The following HIPK3 variants were observed in gnomAD, a reference collection of about 807,000 sequenced individuals.
HIPK3 encodes homeodomain interacting protein kinase 3, also known as homeodomain-interacting protein kinase 3.
A neutral mutation model predicts 124.2 loss-of-function variants in HIPK3; 47 were observed. The observed-to-expected ratio is 0.38, with a 90% CI of 0.30 to 0.48. The LOEUF (loss-of-function observed/expected upper bound fraction) is 0.48. HIPK3 is among the 20% of genes least tolerant of loss of function. The pLI is 0.98. For missense variants in HIPK3, 1,286 were observed against 1,454.3 expected (o/e 0.88, Z 1.88); for synonymous variants, 482 against 515.2 (o/e 0.94, Z 0.87).
At chr11:33,337,761 C>T (rs945947290) in intron 4 of HIPK3, among the ~76,000 whole-genome samples, 1 of 152,036 alleles carries the variant, frequency 6.6e-6, no homozygotes, top group African/African-American at 2.4e-5. Flanking sequence ...GCAACCTCCA[C>T]CTCCCAGGTT....
rs113212349 is a variant in HIPK3 at position 33,263,165 on chromosome 11, C to T, written c.-3+5276C>T. Among the ~76,000 whole-genome samples the T allele has an allele frequency of 4.6e-5, 7 of 152,100 alleles. No homozygotes were observed. In the East Asian group the frequency reaches 7.7e-4, roughly 17 times the overall value. On this transcript the variant is annotated intron_variant, in intron 1 of 16. Coordinates refer to ENST00000303296, the MANE Select transcript of HIPK3 (RefSeq NM_005734.5). ...GATCACAGGCATGAGCCACTGTGCCCGGCCCAATTTCTCTAATTTTCTAAA... is the reference window on the plus strand; with the variant it reads ...GATCACAGGCATGAGCCACTGTGCCTGGCCCAATTTCTCTAATTTTCTAAA...
intron 10 of HIPK3, 29 bp from the exon 11 acceptor site, chr11:33,347,823 T>TA (rs956258794): frequency 1.9e-6 from 3 of 1,613,524 alleles, no homozygotes; most frequent in Non-Finnish European, 2.5e-6. Context: ...AGATCTTGAT[T>TA]AAAAACATTG....
intron 3 of HIPK3, among the ~76,000 whole-genome samples, chr11:33,333,600 A>G (rs753209765): frequency 4.6e-5 from 7 of 152,200 alleles, no homozygotes; most frequent in Non-Finnish European, 7.3e-5. Flanking sequence ...GGGGTTCTAG[A>G]TGGAACATTT....
intron 2 of HIPK3, among the ~76,000 whole-genome samples, chr11:33,294,042 G>A (rs939712441): frequency 1.3e-5 from 2 of 151,574 alleles, no homozygotes; most frequent in Non-Finnish European, 2.9e-5. Context: ...TGGCAGGCAC[G>A]TGTCAGGAAG....
At chr11:33,272,982 G>T (rs1431525152) in intron 1 of HIPK3, among the ~76,000 whole-genome samples, 3 of 151,290 alleles carry the variant, frequency 2.0e-5, no homozygotes, top group Non-Finnish European at 4.4e-5. Context: ...CTATAGGTGT[G>T]TGTCACCGTG....
At chr11:33,291,993 C>G (rs1851710800) in intron 2 of HIPK3, among the ~76,000 whole-genome samples, 1 of 152,142 alleles carries the variant, frequency 6.6e-6, no homozygotes, top group South Asian at 2.1e-4. Flanking sequence ...CTCATGCCTT[C>G]TTAGATCCAG....
intron 1 of HIPK3, among the ~76,000 whole-genome samples, chr11:33,266,866 T>C (rs1850979209): frequency 6.6e-6 from 1 of 152,210 alleles, no homozygotes; most frequent in South Asian, 2.1e-4. Context: ...TTGAAGTATC[T>C]TATAGAGATA....
At chr11:33,314,050 G>A (rs985985464) in intron 2 of HIPK3, among the ~76,000 whole-genome samples, 1 of 152,016 alleles carries the variant, frequency 6.6e-6, no homozygotes, top group African/African-American at 2.4e-5. Context: ...TCGTACTCCT[G>A]GGCTCAAGCA....
chr11:33,272,797 C>T (rs1302490459), intron 1 of HIPK3, among the ~76,000 whole-genome samples: 18 of 1,070 alleles, frequency 0.017, no homozygotes, highest in Admixed American at 0.048. Flanking sequence ...CTCCCTCCTT[C>T]CTTCCTTCCC....
upstream of HIPK3, chr11:33,257,320 G>T: frequency 1.0e-6 from 1 of 983,852 alleles, no homozygotes; most frequent in Non-Finnish European, 1.2e-6. Flanking sequence ...GGGCGGTGGC[G>T]CTGCGGAGGC....
intron 2 of HIPK3, among the ~76,000 whole-genome samples, chr11:33,305,240 G>T (rs1417438729): frequency 6.6e-6 from 1 of 152,116 alleles, no homozygotes; most frequent in Non-Finnish European, 1.5e-5. Flanking sequence ...GACCTTAAGT[G>T]ATCTGCCTGC....
rs187546837 is a variant in HIPK3, at chr11:33,299,950, A to C, written c.1097+12439A>C. Among the ~76,000 whole-genome samples, 518 of 145,584 alleles carry C rather than the reference A, an allele frequency of 3.6e-3. 6 individuals carry two copies. Among genetic ancestry groups the C allele is most frequent in the Admixed American group, 8.9e-3 (126 of 14,180 alleles). The stretch of plus-strand genomic sequence containing the variant: ...GGTGGGAGGATTGCTTGTGCCTGGG[A>C]GGCAGAGGTTGCGGTGAGCAGAGAC... On this transcript the variant is annotated intron_variant, in intron 2 of 16. Coordinates refer to ENST00000303296, the MANE Select transcript of HIPK3 (RefSeq NM_005734.5).
rs1303691040 is a variant in HIPK3 at position 33,328,602 on chromosome 11, C to T, written c.1190C>T (p.Pro397Leu). The change falls in exon 3 of 17, where the codon CCG becomes CTG. Residue 397 changes from proline to leucine, a missense_variant. By Grantham distance (98) the Pro-to-Leu change is moderately conservative. Around this residue, in one of 3 missense-constraint regions of HIPK3, gnomAD observed 251 missense variants for 349.1 expected, o/e 0.72. Transcript: ENST00000303296. Reference protein sequence around the residue: ...CVIAELFLGWPLYPGALEYDQ... With the variant: ...CVIAELFLGWLLYPGALEYDQ... ...ATTGCAGAATTATTTCTTGGATGGC[C>T]GCTCTACCCAGGAGCCTTGGAGTAT... 3 of 1,613,172 alleles carry T rather than the reference C, an allele frequency of 1.9e-6. No homozygotes were observed. In the African/African-American group the frequency reaches 4.0e-5, roughly 22 times the overall value.
At chr11:33,287,817 A>G (rs1378193918) in intron 2 of HIPK3, among the ~76,000 whole-genome samples, 1 of 152,224 alleles carries the variant, frequency 6.6e-6, no homozygotes, top group African/African-American at 2.4e-5. Flanking sequence ...TAAATGTTGG[A>G]AAGTATTTAC....
rs771753444 is a variant in HIPK3, at chr11:33,353,202, T to C, written c.3282T>C (p.His1094=). The C allele has an allele frequency of 5.6e-6, 9 of 1,614,068 alleles. No homozygotes were observed. The Admixed American group carries it at 1.3e-4, about 24-fold the overall frequency. Residue 1094 remains histidine (H), a synonymous_variant, in exon 17 of 17, where the codon CAT becomes CAC. Transcript: ENST00000303296. ...CCAGTAATCCATTCACTCTTTCTCATGGAAGTCCCAATCACACAGCAGTGC... is the reference window on the plus strand; with the variant it reads ...CCAGTAATCCATTCACTCTTTCTCACGGAAGTCCCAATCACACAGCAGTGC... ...SVTSNPFTLS[H]GSPNHTAVHA... is the part of the protein sequence containing the mutation.
chr11:33,352,147 G>T lies in HIPK3; in HGVS notation c.3053G>T (p.Cys1018Phe), dbSNP rs757332378. Reference sequence around the variant, plus strand: ...TTTTATTCGTCGCCAGATTCTATATGCCAGCCATTAATAAAAGGACGATCT... The same window carrying T: ...TTTTATTCGTCGCCAGATTCTATATTCCAGCCATTAATAAAAGGACGATCT... ...DEHMANTDSICQPLIKGRSAP... is the reference protein window; with the variant it reads ...DEHMANTDSIFQPLIKGRSAP... Residue 1018 changes from cysteine to phenylalanine, a missense_variant, in exon 16 of 17, where the codon TGC becomes TTC. By Grantham distance (205) the Cys-to-Phe change is radical (BLOSUM62 -2). Coordinates refer to ENST00000303296, the MANE Select transcript of HIPK3 (RefSeq NM_005734.5). The T allele has an allele frequency of 3.1e-6, 5 of 1,613,248 alleles. No individual in the cohort carries two copies. In the African/African-American group the frequency reaches 6.7e-5, roughly 22 times the overall value.
intron 1 of HIPK3, among the ~76,000 whole-genome samples, chr11:33,265,153 TAA>T (rs1850919763): frequency 6.6e-6 from 1 of 152,204 alleles, no homozygotes; most frequent in Non-Finnish European, 1.5e-5. Context: ...TGTAGTGACA[TAA>T]AATCACAATG....
rs778331407 is a variant in HIPK3, at chr11:33,353,632, T to C, written c.*64T>C. Reference sequence around the variant, plus strand: ...TGATTAAAAATAAAAACATGGTATTTAATATTAGCCATGGCACAAGAAAAT... The same window carrying C: ...TGATTAAAAATAAAAACATGGTATTCAATATTAGCCATGGCACAAGAAAAT... On this transcript the variant is annotated 3_prime_UTR_variant, in exon 17 of 17. Coordinates refer to ENST00000303296, the MANE Select transcript of HIPK3 (RefSeq NM_005734.5). 1.0e-5 allele frequency: 11 copies of C among 1,103,368 alleles called. No homozygotes were observed. Among genetic ancestry groups the C allele is most frequent in the Non-Finnish European group, 1.5e-5 (11 of 741,424 alleles). 68.3% of individuals were successfully genotyped at this position (1,103,368 alleles called of 1,614,324 possible). A position where few individuals can be genotyped will look rare whatever the true frequency, so the allele number is the denominator to read the frequency against.
chr11:33,265,989 C>CAGG (rs1850950209), intron 1 of HIPK3, among the ~76,000 whole-genome samples: 1 of 140,762 alleles, frequency 7.1e-6, no homozygotes, highest in South Asian at 2.2e-4. Context: ...GAGGCTGAGG[C>CAGG]AGGAGAATGG....
Sources: allele counts gnomAD v4.1 joint callset (sites outside exome capture counted in the v4.1 genomes callset), GRCh38; gene constraint gnomAD v4.1.1; regional missense constraint gnomAD v4.1.1; transcripts MANE v1.5; gene names NCBI Gene and HGNC (gene_info 2026-07-23, HGNC 2026-07-21).